The following NUP210L variants were observed in gnomAD, a reference collection of about 807,000 sequenced individuals.
NUP210L encodes nuclear pore membrane glycoprotein 210-like.
NUP210L carries 74 observed loss-of-function variants against 208.5 expected under a neutral mutation model. The ratio of observed to expected loss-of-function variants is 0.35; its 90% CI spans 0.29 to 0.43. NUP210L has a LOEUF of 0.43. NUP210L is among the 20% of genes least tolerant of loss of function. The pLI, the probability that NUP210L is intolerant of heterozygous loss-of-function variation, is 1.00. For missense variants in NUP210L, 1,843 were observed against 2,289.4 expected, an observed-to-expected ratio of 0.81 and a Z score of 3.98; for synonymous variants, 780 against 816.9, an observed-to-expected ratio of 0.95 and a Z score of 0.77.
chr1:154,112,317 G>T lies in NUP210L; in HGVS notation c.1620+5408C>A, dbSNP rs184045371. Among the ~76,000 whole-genome samples the T allele has an allele frequency of 2.8e-3, 420 of 152,208 alleles. 3 individuals are homozygous for T. The highest frequency in any genetic ancestry group is 0.01 in the Middle Eastern group (3 of 294). On this transcript the variant is annotated intron_variant, in intron 12 of 39. Transcript: ENST00000368559. ...ACACTTCGGGAGGCTGAGGTGGGAG[G>T]ATTGCTTGAGCCCCGGAGGCCAAGG...
chr1:154,027,096 ACAAAAAAAAAAAAAC>A (rs1161252872), intron 29 of NUP210L, among the ~76,000 whole-genome samples: 3 of 101,148 alleles, frequency 3.0e-5, no homozygotes, highest in African/African-American at 1.2e-4. Flanking sequence ...AAAAAAAAAA[ACAAAAAAAAAAAAAC>A]AAAAAACACA....
intron 17 of NUP210L, among the ~76,000 whole-genome samples, chr1:154,062,995 C>A (rs180940615): frequency 5.3e-5 from 8 of 152,164 alleles, no homozygotes; most frequent in Admixed American, 2.6e-4. Flanking sequence ...CTTGTGATGC[C>A]ACATTCATTC....
chr1:154,048,596 G>T (rs1653313424), intron 25 of NUP210L, among the ~76,000 whole-genome samples: 1 of 152,134 alleles, frequency 6.6e-6, no homozygotes, highest in African/African-American at 2.4e-5. Flanking sequence ...CCAAACCAGG[G>T]CATTTCTGGC....
intron 27 of NUP210L, among the ~76,000 whole-genome samples, chr1:154,036,557 G>GT: frequency 6.6e-6 from 1 of 151,498 alleles, no homozygotes; most frequent in South Asian, 2.1e-4. Context: ...TAGAGATGGG[G>GT]TTTCACCATG....
chr1:154,127,451 G>A, intron 8 of NUP210L, 34 bp from the exon 9 acceptor site: 4 of 1,021,954 alleles, frequency 3.9e-6, no homozygotes, highest in Non-Finnish European at 6.0e-6. Context: ...AATATTAGAA[G>A]AGGCTAACAT....
At chr1:154,127,460 A>G in intron 8 of NUP210L, 43 bp from the exon 9 acceptor site, 1 of 927,080 alleles carries the variant, frequency 1.1e-6, no homozygotes, top group Non-Finnish European at 1.7e-6. Flanking sequence ...AGAGGCTAAC[A>G]TTTTTCTACA....
Position 154,139,813 on chromosome 1 carries a change from G to GT in NUP210L, c.705dup (p.Pro236ThrfsTer4). ...CACAAACTTTTTACCTTATAGAATGGTTCATGAATTCGAACTTTTACAACA... is the reference window on the plus strand; with the variant it reads ...CACAAACTTTTTACCTTATAGAATGGTTTCATGAATTCGAACTTTTACAACA... On this transcript the variant is annotated frameshift_variant, in exon 5 of 40. Transcript: ENST00000368559. LOFTEE classifies it high-confidence loss of function. 6.2e-7 allele frequency: 1 copy of GT among 1,612,616 alleles called. No individual in the cohort carries two copies. Among genetic ancestry groups the GT allele is most frequent in the Non-Finnish European group, 8.5e-7 (1 of 1,179,438 alleles).
chr1:154,002,052 A>G (rs776640384), intron 35 of NUP210L, 67 bp from the exon 36 acceptor site: 55 of 1,512,124 alleles, frequency 3.6e-5, no homozygotes, highest in Non-Finnish European at 4.9e-5. Context: ...CTGAATTAGG[A>G]TAGGAAGGGA....
At chr1:153,997,109 GC>G (rs1449932474) in intron 37 of NUP210L, among the ~76,000 whole-genome samples, 2 of 151,880 alleles carry the variant, frequency 1.3e-5, no homozygotes, top group Non-Finnish European at 2.9e-5. Flanking sequence ...GATTACAGGG[GC>G]CCGCCACCAC....
At chr1:154,064,066 AT>A (rs1037648341) in intron 17 of NUP210L, among the ~76,000 whole-genome samples, 1 of 151,166 alleles carries the variant, frequency 6.6e-6, no homozygotes, top group Non-Finnish European at 1.5e-5. Context: ...ATATTTTATT[AT>A]TTTTTAATAG....
chr1:154,151,338 T>A (rs1321545830), intron 2 of NUP210L, among the ~76,000 whole-genome samples: 2 of 150,482 alleles, frequency 1.3e-5, no homozygotes, highest in African/African-American at 5.0e-5. Flanking sequence ...AATTGGGATT[T>A]ATCTTATAAT....
At chr1:154,046,457 G>GT in intron 25 of NUP210L, 88 bp from the exon 26 acceptor site, 1 of 1,089,454 alleles carries the variant, frequency 9.2e-7, no homozygotes, top group Non-Finnish European at 1.4e-6. Flanking sequence ...GTTTGCTATT[G>GT]TTTTTAACAT....
chr1:154,033,285 C>T (rs567704988), intron 27 of NUP210L, among the ~76,000 whole-genome samples: 15 of 152,204 alleles, frequency 9.9e-5, no homozygotes, highest in Non-Finnish European at 2.1e-4. Context: ...GTTTTGGTTG[C>T]CCATGTTTGT....
At chr1:153,996,151 G>T (rs1649848590) in intron 37 of NUP210L, among the ~76,000 whole-genome samples, 2 of 152,018 alleles carry the variant, frequency 1.3e-5, no homozygotes, top group Admixed American at 1.3e-4. Flanking sequence ...AATTAGCTGG[G>T]TGTGGTGGCA....
intron 25 of NUP210L, among the ~76,000 whole-genome samples, chr1:154,050,852 A>T (rs2147978895): frequency 6.6e-6 from 1 of 152,326 alleles, no homozygotes; most frequent in African/African-American, 2.4e-5. Context: ...ATAATGGTAA[A>T]GCTTCTTATT....
chr1:154,119,825 G>C (rs1356348448), intron 10 of NUP210L, among the ~76,000 whole-genome samples: 3 of 152,110 alleles, frequency 2.0e-5, no homozygotes, highest in African/African-American at 7.2e-5. Flanking sequence ...CCAAGTCTTT[G>C]CTATTGTGAA....
At chr1:154,034,841 C>G (rs537383199) in intron 27 of NUP210L, among the ~76,000 whole-genome samples, 64 of 143,292 alleles carry the variant, frequency 4.5e-4, no homozygotes, top group African/African-American at 1.5e-3. Flanking sequence ...CTCTCTCTCT[C>G]TCTTTTTTTT....
At chr1:154,120,489 AG>A (rs1657561528) in intron 10 of NUP210L, among the ~76,000 whole-genome samples, 1 of 151,960 alleles carries the variant, frequency 6.6e-6, no homozygotes, top group South Asian at 2.1e-4. Context: ...GGGTTGGGGG[AG>A]GGGGGAAGGA....
intron 25 of NUP210L, among the ~76,000 whole-genome samples, chr1:154,049,014 A>G (rs1175278150): frequency 6.6e-6 from 1 of 152,170 alleles, no homozygotes. Context: ...GAATCAAACT[A>G]CTGATAAACA....
Sources: gnomAD v4.1 joint callset for allele counts (sites outside exome capture counted in the v4.1 genomes callset) on GRCh38, gnomAD v4.1.1 for gene constraint, MANE v1.5 for transcripts, NCBI Gene and HGNC (gene_info 2026-07-23, HGNC 2026-07-21) for gene names.